FRMD6: variants seen among roughly 807,000 people sequenced by gnomAD.
FRMD6 encodes FERM domain containing 6.
A neutral mutation model predicts 73.2 loss-of-function variants in FRMD6; 37 were observed. That is an observed-to-expected ratio of 0.51 (90% CI 0.39 to 0.66). FRMD6 has a LOEUF of 0.66. Among genes scored for constraint, FRMD6 ranks in the 30% least tolerant of loss-of-function variants. The pLI, the probability that FRMD6 is intolerant of heterozygous loss-of-function variation, is 0.00. For synonymous variants in FRMD6, 273 were observed against 282.2 expected (o/e 0.97, Z 0.33); for missense variants, 714 against 780.5 (o/e 0.91, Z 1.02).
At chr14:51,402,140 C>A in the FRMD6 span, among the ~76,000 whole-genome samples, 3 of 152,124 alleles carry the variant, frequency 2.0e-5, no homozygotes, top group African/African-American at 7.2e-5. Flanking sequence ...AAATTCTGTT[C>A]ATATAAAAAG....
At chr14:51,455,654 T>A in the FRMD6 span, among the ~76,000 whole-genome samples, 1 of 152,090 alleles carries the variant, frequency 6.6e-6, no homozygotes, top group Non-Finnish European at 1.5e-5. Flanking sequence ...TGGGCTAGGG[T>A]CCAAGAGCAG....
At chr14:51,594,874 G>C (rs1343613635) in intron 2 of FRMD6, among the ~76,000 whole-genome samples, 1 of 152,198 alleles carries the variant, frequency 6.6e-6, no homozygotes, top group Non-Finnish European at 1.5e-5. Flanking sequence ...GCAAGACTCT[G>C]GCCAGAATTG....
intron 2 of FRMD6, among the ~76,000 whole-genome samples, chr14:51,697,009 G>T (rs916296341): frequency 3.3e-5 from 5 of 152,148 alleles, no homozygotes; most frequent in African/African-American, 1.2e-4. Flanking sequence ...AAAGACAAAA[G>T]ATAACAAGTG....
chr14:51,398,489 A>G, the FRMD6 span, among the ~76,000 whole-genome samples: 41 of 151,912 alleles, frequency 2.7e-4, no homozygotes, highest in African/African-American at 8.9e-4. Flanking sequence ...CATCATCTAT[A>G]TAAGAAAAAT....
chr14:51,670,870 T>C (rs1893957973), intron 1 of FRMD6, among the ~76,000 whole-genome samples: 1 of 152,220 alleles, frequency 6.6e-6, no homozygotes, highest in Non-Finnish European at 1.5e-5. Flanking sequence ...TGGTCTCGAA[T>C]TCCTGACCTC....
rs372412784 is a variant in FRMD6 at position 51,727,947 on chromosome 14, A to G, written c.1787A>G (p.Gln596Arg). 1 of 1,614,128 alleles carries G rather than the reference A, an allele frequency of 6.2e-7. No homozygotes were observed. ...SCLAQQCINI[Q>R]DAFPVKRTSK... The stretch of plus-strand genomic sequence containing the variant: ...TTGGCCCAGCAGTGCATCAACATCC[A>G]AGATGCTTTTCCAGTCAAAAGAACC... Residue 596 changes from glutamine to arginine, a missense_variant, in exon 14 of 14, where the codon CAA becomes CGA. Transcript: ENST00000344768.
At chr14:51,650,391 G>GTTTTTTTTTTTTTTTT (rs11318703), upstream of FRMD6, 1 of 105,188 alleles carries the variant, frequency 9.5e-6, no homozygotes, top group Non-Finnish European at 1.9e-5. Context: ...GAGCAGGGCA[G>GTTTTTTTTTTTTTTTT]TTTTTTTTTT....
chr14:51,536,078 TTA>T (rs202244593), intron 1 of FRMD6, among the ~76,000 whole-genome samples: 99 of 139,608 alleles, frequency 7.1e-4, no homozygotes, highest in Non-Finnish European at 1.2e-3. Context: ...TATATATATT[TTA>T]TATATATATA....
chr14:51,616,498 G>A (rs891294033), intron 2 of FRMD6, among the ~76,000 whole-genome samples: 2 of 152,300 alleles, frequency 1.3e-5, no homozygotes. Flanking sequence ...CGGTCTTAAA[G>A]ATCAGGTGAA....
At chr14:51,617,985 G>A (rs1205753329) in intron 2 of FRMD6, among the ~76,000 whole-genome samples, 1 of 152,012 alleles carries the variant, frequency 6.6e-6, no homozygotes, top group African/African-American at 2.4e-5. Flanking sequence ...TACCTGCACG[G>A]AGCCAGAACA....
intron 2 of FRMD6, among the ~76,000 whole-genome samples, chr14:51,573,349 C>T (rs1369147172): frequency 1.3e-5 from 2 of 152,202 alleles, no homozygotes; most frequent in Middle Eastern, 3.4e-3. Flanking sequence ...CATTTCAATG[C>T]CCCACTGGCC....
At chr14:51,542,339 G>C (rs1886244562) in intron 1 of FRMD6, among the ~76,000 whole-genome samples, 1 of 151,962 alleles carries the variant, frequency 6.6e-6, no homozygotes, top group Non-Finnish European at 1.5e-5. Flanking sequence ...AGTATCCATG[G>C]ATTTGCTCAT....
chr14:51,477,148 T>C, the FRMD6 span, among the ~76,000 whole-genome samples: 6 of 152,152 alleles, frequency 3.9e-5, no homozygotes, highest in Non-Finnish European at 5.9e-5. Flanking sequence ...CAGACTCACA[T>C]AGAGACATAG....
chr14:51,496,179 G>A (rs1320096926), intron 1 of FRMD6, among the ~76,000 whole-genome samples: 2 of 152,186 alleles, frequency 1.3e-5, no homozygotes, highest in African/African-American at 4.8e-5. Context: ...GAAGAGCATG[G>A]TGGTGACAGT....
chr14:51,698,369 A>G (rs926285534), intron 3 of FRMD6, 137 bp downstream of exon 3: 5 of 470,338 alleles, frequency 1.1e-5, no homozygotes, highest in African/African-American at 9.8e-5. Context: ...TTTCATTTTT[A>G]GTGTAGGTGT....
chr14:51,683,968 G>A (rs1894983595), intron 1 of FRMD6, among the ~76,000 whole-genome samples: 2 of 152,124 alleles, frequency 1.3e-5, no homozygotes, highest in African/African-American at 4.8e-5. Flanking sequence ...CGGCAACAAA[G>A]AATCTGATGT....
upstream of FRMD6, among the ~76,000 whole-genome samples, chr14:51,647,179 A>G (rs1892114252): frequency 6.6e-6 from 1 of 152,098 alleles, no homozygotes; most frequent in Non-Finnish European, 1.5e-5. Context: ...TCAAAATTTG[A>G]TGATCAGGAG....
At chr14:51,702,630 C>T (rs1236302392) in intron 5 of FRMD6, 42 bp downstream of exon 5, 1 of 1,485,882 alleles carries the variant, frequency 6.7e-7, no homozygotes, top group East Asian at 2.3e-5. Context: ...TTTTTTCCCC[C>T]ATAGCACTTT....
intron 6 of FRMD6, 22 bp downstream of exon 6, chr14:51,704,957 G>GA (rs752336030): frequency 1.3e-6 from 2 of 1,583,544 alleles, no homozygotes; most frequent in Admixed American, 3.5e-5. Context: ...TTTCAAATTC[G>GA]AAAGAGTGTT....
Sources: allele counts gnomAD v4.1 joint callset (sites outside exome capture counted in the v4.1 genomes callset), GRCh38; gene constraint gnomAD v4.1.1; transcripts MANE v1.5; gene names NCBI Gene and HGNC (gene_info 2026-07-23, HGNC 2026-07-21).